Variants in FMN1 observed in about 807,000 individuals in gnomAD.
The protein encoded by FMN1 is formin 1.
In FMN1, 110 loss-of-function variants were observed where a neutral mutation model predicts 132.4. That is an observed-to-expected ratio of 0.83 (90% CI 0.71 to 0.97). The LOEUF (loss-of-function observed/expected upper bound fraction) is 0.97. Ranked by LOEUF, FMN1 falls within the 50% of genes least tolerant of loss-of-function variation. The pLI is 0.00. For synonymous variants in FMN1, 722 were observed against 651.7 expected (o/e 1.11, Z -1.64); for missense variants, 1,792 against 1,705.3 (o/e 1.05, Z -0.90).
intron 4 of FMN1, among the ~76,000 whole-genome samples, chr15:33,128,832 C>A (rs555661158): frequency 6.6e-6 from 1 of 152,146 alleles, no homozygotes; most frequent in Non-Finnish European, 1.5e-5. Context: ...AAAGCCTCCG[C>A]AATGCGGAAG....
chr15:32,953,525 G>T (rs927225989), intron 9 of FMN1, among the ~76,000 whole-genome samples: 20 of 152,196 alleles, frequency 1.3e-4, no homozygotes, highest in African/African-American at 4.6e-4. Flanking sequence ...CAGCTGGAGG[G>T]AAATCAGGTC....
Position 32,772,771 on chromosome 15 carries a change from T to C in FMN1, c.*1539A>G, listed in dbSNP as rs186928447. ...TCTCGAAGCTGACATTAGATTAGGA[T>C]ATGGTGCTGCTTTCATTACTGGATC... On this transcript the variant is annotated 3_prime_UTR_variant, in exon 21 of 21. Transcript: ENST00000616417. 3 of 152,262 alleles carry C rather than the reference T, an allele frequency of 2.0e-5. No homozygotes were observed. The highest frequency in any genetic ancestry group is 7.2e-5 in the African/African-American group (3 of 41,464). 9.4% of individuals were successfully genotyped at this position (152,262 alleles called of 1,614,324 possible). A position where few individuals can be genotyped will look rare whatever the true frequency, so the allele number is the denominator to read the frequency against.
chr15:33,058,988 T>C (rs1028655981), intron 6 of FMN1, among the ~76,000 whole-genome samples: 2 of 152,244 alleles, frequency 1.3e-5, no homozygotes, highest in African/African-American at 2.4e-5. Context: ...TCACAAAATC[T>C]ATTTCTCCTG....
At chr15:33,169,193 A>G (rs1330484320) in intron 3 of FMN1, among the ~76,000 whole-genome samples, 2 of 152,212 alleles carry the variant, frequency 1.3e-5, no homozygotes, top group Non-Finnish European at 2.9e-5. Flanking sequence ...TATTAGAATG[A>G]CTGGCTTGAA....
At chr15:32,997,106 C>G (rs1426720897) in intron 7 of FMN1, among the ~76,000 whole-genome samples, 1 of 152,092 alleles carries the variant, frequency 6.6e-6, no homozygotes, top group African/African-American at 2.4e-5. Context: ...TAAATACAGG[C>G]AAACATCAAG....
At chr15:33,089,808 C>T (rs1347946499) in intron 4 of FMN1, among the ~76,000 whole-genome samples, 2 of 152,190 alleles carry the variant, frequency 1.3e-5, no homozygotes, top group Non-Finnish European at 2.9e-5. Context: ...CTCTGCCTGA[C>T]ATTCTATTCT....
intron 17 of FMN1, among the ~76,000 whole-genome samples, chr15:32,848,839 T>C (rs2058924480): frequency 1.3e-5 from 2 of 152,214 alleles, no homozygotes; most frequent in Non-Finnish European, 2.9e-5. Flanking sequence ...GCTGCAGCAA[T>C]GAACCTGTTT....
chr15:33,100,948 T>C (rs2039270198), intron 4 of FMN1, among the ~76,000 whole-genome samples: 3 of 152,180 alleles, frequency 2.0e-5, no homozygotes, highest in South Asian at 2.1e-4. Flanking sequence ...TGACATCAAG[T>C]ATGAAATACA....
chr15:33,082,054 T>C (rs1164135186), intron 5 of FMN1, among the ~76,000 whole-genome samples: 7 of 78,564 alleles, frequency 8.9e-5, no homozygotes, highest in Non-Finnish European at 1.9e-4. Context: ...TGTGTGTGTG[T>C]AAGACGGAGT....
intron 6 of FMN1, among the ~76,000 whole-genome samples, chr15:33,033,817 CAG>C (rs2036063482): frequency 6.6e-6 from 1 of 152,096 alleles, no homozygotes; most frequent in Admixed American, 6.6e-5. Context: ...CAGTATTGTC[CAG>C]GCTTCCAAAT....
At position 33,154,193 on chromosome 15, in the gene FMN1, G is replaced by C. The variant is rs1266463770; in HGVS notation, c.722C>G (p.Pro241Arg). The C allele has an allele frequency of 6.5e-7, 1 of 1,536,342 alleles. No homozygotes were observed. The highest frequency in any genetic ancestry group is 1.2e-5 in the South Asian group (1 of 84,058). Residue 241 changes from proline to arginine, a missense_variant, in exon 4 of 21, where the codon CCC (proline) becomes CGC (arginine). Around this residue, in one of 3 missense-constraint regions of FMN1, gnomAD observed 638 missense variants for 645.2 expected, o/e 0.99. Transcript: ENST00000616417. ...QRRESCPPDI[P>R]KTPDTDLGFG... ...GCCAAGGTCTGTGTCTGGCGTCTTG[G>C]GAATATCTGGGGGGCAGCTCTCTCT... is the stretch of plus-strand genomic sequence containing the variant.
At chr15:32,990,352 G>T (rs1043555800) in intron 7 of FMN1, among the ~76,000 whole-genome samples, 1 of 152,196 alleles carries the variant, frequency 6.6e-6, no homozygotes, top group Non-Finnish European at 1.5e-5. Context: ...TGTCCCAGAT[G>T]TTGAGGGAGG....
At chr15:32,877,339 T>C (rs759254791) in intron 16 of FMN1, among the ~76,000 whole-genome samples, 4 of 150,816 alleles carry the variant, frequency 2.7e-5, no homozygotes, top group Non-Finnish European at 4.4e-5. Context: ...TTTTGAGGCA[T>C]GAATTAATTC....
intron 3 of FMN1, among the ~76,000 whole-genome samples, chr15:33,177,774 G>A (rs1025593647): frequency 2.0e-5 from 3 of 152,200 alleles, no homozygotes; most frequent in Admixed American, 6.5e-5. Flanking sequence ...GGAGGCTGAA[G>A]CGCATGGATC....
At chr15:33,094,587 AGGGTC>A (rs1232874700) in intron 4 of FMN1, among the ~76,000 whole-genome samples, 1 of 152,242 alleles carries the variant, frequency 6.6e-6, no homozygotes, top group African/African-American at 2.4e-5. Context: ...ACAGCTCCTC[AGGGTC>A]GTTCATAGAT....
At chr15:32,857,790 GACCT>G (rs1483416618) in intron 16 of FMN1, among the ~76,000 whole-genome samples, 3 of 152,184 alleles carry the variant, frequency 2.0e-5, no homozygotes, top group Non-Finnish European at 4.4e-5. Context: ...TTTTAAAAAT[GACCT>G]ACCTTATTGG....
chr15:32,857,036 G>C lies in FMN1; in HGVS notation c.3907C>G (p.Leu1303Val). 1 of 1,613,232 alleles carries C rather than the reference G, an allele frequency of 6.2e-7. No individual in the cohort carries two copies. The highest frequency in any genetic ancestry group is 8.5e-7 in the Non-Finnish European group (1 of 1,179,204). ...KEYLQPFKDK[L>V]EEFFQKAKKE... ...CTACCTTTTTGGAAGAACTCCTCTA[G>C]TTTGTCCTTGAAAGGCTGGAGATAC... The change falls in exon 17 of 21, where the codon CTA becomes GTA. Residue 1303 changes from leucine (L) to valine (V), a missense_variant. Around this residue, in one of 3 missense-constraint regions of FMN1, gnomAD observed 1,150 missense variants for 1,043.1 expected, o/e 1.10. Coordinates refer to ENST00000616417, the MANE Select transcript of FMN1 (RefSeq NM_001277313.2).
intron 9 of FMN1, among the ~76,000 whole-genome samples, chr15:32,931,333 C>A (rs554644899): frequency 6.6e-6 from 1 of 152,258 alleles, no homozygotes; most frequent in Admixed American, 6.5e-5. Flanking sequence ...CATGAGATGT[C>A]TTTACAGTTA....
chr15:32,994,765 A>AT (rs11374238), intron 7 of FMN1, among the ~76,000 whole-genome samples: 121,605 of 152,050 alleles, frequency 0.8, 48,838 homozygotes, highest in East Asian at 0.97. Flanking sequence ...ATAAAGCATT[A>AT]TTTTAAGGTG....
Sources: gnomAD v4.1 joint callset for allele counts (sites outside exome capture counted in the v4.1 genomes callset) on GRCh38, gnomAD v4.1.1 for gene constraint, gnomAD v4.1.1 regional missense constraint, MANE v1.5 for transcripts, NCBI Gene and HGNC (gene_info 2026-07-23, HGNC 2026-07-21) for gene names.